The following LRRC74A variants were observed in gnomAD, a reference collection of about 807,000 sequenced individuals.
The protein encoded by LRRC74A is leucine rich repeat containing 74A, also known as leucine-rich repeat-containing protein 74A.
A neutral mutation model predicts 57.9 loss-of-function variants in LRRC74A; 44 were observed. The ratio of observed to expected loss-of-function variants is 0.76; its 90% CI spans 0.60 to 0.98. The LOEUF (loss-of-function observed/expected upper bound fraction) is 0.98. LRRC74A is among the 50% of genes least tolerant of loss of function. The pLI is 0.00. For synonymous variants in LRRC74A, 211 were observed against 219.4 expected, an observed-to-expected ratio of 0.96 and a Z score of 0.34; for missense variants, 572 against 574.0, an observed-to-expected ratio of 1.00 and a Z score of 0.04.
intron 2 of LRRC74A, chr14:76,828,959 C>T (rs1296222685): frequency 4.0e-6 from 5 of 1,258,468 alleles, no homozygotes; most frequent in Non-Finnish European, 4.1e-6. Context: ...GACTTTCCCA[C>T]ACTCACCTTA....
At position 76,837,927 on chromosome 14, in the gene LRRC74A, T is replaced by G. The variant is rs1374797183; in HGVS notation, c.500T>G (p.Phe167Cys). Reference protein sequence around the residue: ...GLEGARIISDFFERNSSSIWS... With the variant: ...GLEGARIISDCFERNSSSIWS... Reference sequence around the variant, plus strand: ...GAGGGGGCCAGAATCATCTCAGATTTCTTTGAGAGAAACAGTTCTTCTATC... The same window carrying G: ...GAGGGGGCCAGAATCATCTCAGATTGCTTTGAGAGAAACAGTTCTTCTATC... The change falls in exon 5 of 14, where the codon TTC becomes TGC. Residue 167 changes from phenylalanine to cysteine, a missense_variant. Coordinates refer to ENST00000689127, the MANE Select transcript of LRRC74A (RefSeq NM_001385106.1). The G allele has an allele frequency of 2.5e-6, 4 of 1,590,464 alleles. No homozygotes were observed. In the Admixed American group the frequency reaches 7.0e-5, roughly 28 times the overall value.
chr14:76,848,295 A>C (rs1350209251), intron 7 of LRRC74A, among the ~76,000 whole-genome samples: 1 of 141,974 alleles, frequency 7.0e-6, no homozygotes, highest in East Asian at 2.0e-4. Flanking sequence ...AATAAAATAA[A>C]ATATTACTTT....
At position 76,831,188 on chromosome 14, in the gene LRRC74A, C is replaced by T; in HGVS notation, c.167-15C>T. ...GTGGAAGAGAAATCCTACTTCAGCC[C>T]ATCTTTCTCTGCAGATGATGAGAAA... On this transcript the variant is annotated splice_polypyrimidine_tract_variant and intron_variant, in intron 2 of 13. Coordinates refer to ENST00000689127, the MANE Select transcript of LRRC74A (RefSeq NM_001385106.1). 6.2e-7 allele frequency: 1 copy of T among 1,613,494 alleles called. No homozygotes were observed. The highest frequency in any genetic ancestry group is 1.1e-5 in the South Asian group (1 of 91,040).
rs1361869715 is a variant in LRRC74A, at chr14:76,860,796, A to G, written c.1157A>G (p.Lys386Arg). 4.3e-6 allele frequency: 7 copies of G among 1,611,004 alleles called. No homozygotes were observed. Among genetic ancestry groups the G allele is most frequent in the Non-Finnish European group, 5.9e-6 (7 of 1,178,184 alleles). ...AAGGCAGTACAAGGCCTCTCTCCCA[A>G]GAAAACCATCTTCTTGTTGACAAAC... ...VFKAVQGLSP[K>R]KTIFLLTNPM... is the part of the protein sequence containing the mutation. The change falls in exon 11 of 14, where the codon AAG becomes AGG. Residue 386 changes from lysine to arginine, a missense_variant. Transcript: ENST00000689127.
intron 2 of LRRC74A, among the ~76,000 whole-genome samples, chr14:76,830,403 A>G (rs1266441741): frequency 6.6e-6 from 1 of 152,264 alleles, no homozygotes; most frequent in Non-Finnish European, 1.5e-5. Flanking sequence ...CCCAGTGACC[A>G]TGGGCCAGGC....
chr14:76,826,811 C>A (rs1484429324), intron 1 of LRRC74A, 77 bp downstream of exon 1: 2 of 964,092 alleles, frequency 2.1e-6, no homozygotes, highest in Non-Finnish European at 3.0e-6. Context: ...TCACAGGACC[C>A]TGAAGCCCAC....
At chr14:76,828,778 C>T in intron 2 of LRRC74A, 2 of 438,960 alleles carry the variant, frequency 4.6e-6, no homozygotes, top group South Asian at 3.3e-5. Flanking sequence ...TGCCAGTTTT[C>T]AACAGAAGAG....
intron 11 of LRRC74A, among the ~76,000 whole-genome samples, chr14:76,864,195 G>T (rs2140311262): frequency 6.6e-6 from 1 of 152,254 alleles, no homozygotes. Flanking sequence ...CCGGTGGGGT[G>T]TCCAGCAGCT....
chr14:76,867,205 GT>G (rs1465026583), intron 12 of LRRC74A, 150 bp from the exon 13 acceptor site: 16 of 311,126 alleles, frequency 5.1e-5, no homozygotes, highest in South Asian at 6.8e-5. Flanking sequence ...GTGTTGGGGG[GT>G]GGGGTGTGTG....
At chr14:76,831,428 G>T (rs1895964962) in intron 3 of LRRC74A, 53 bp downstream of exon 3, 1 of 1,594,756 alleles carries the variant, frequency 6.3e-7, no homozygotes, top group South Asian at 1.1e-5. Context: ...AGGGTTGGCA[G>T]AGTGGTAGGC....
At chr14:76,850,182 T>C (rs1421769744) in intron 7 of LRRC74A, among the ~76,000 whole-genome samples, 1 of 152,132 alleles carries the variant, frequency 6.6e-6, no homozygotes, top group Non-Finnish European at 1.5e-5. Context: ...CACTCCAGCC[T>C]GGGCGACAGA....
intron 5 of LRRC74A, among the ~76,000 whole-genome samples, chr14:76,843,245 T>C (rs1242792005): frequency 7.1e-6 from 1 of 140,932 alleles, no homozygotes; most frequent in East Asian, 2.0e-4. Context: ...ATCACGCCAC[T>C]GCACTGCACT....
chr14:76,855,533 CT>C (rs1897818495), intron 9 of LRRC74A, among the ~76,000 whole-genome samples: 1 of 152,108 alleles, frequency 6.6e-6, no homozygotes, highest in Admixed American at 6.6e-5. Flanking sequence ...AGACAAAACT[CT>C]TAGTTTGGCC....
intron 5 of LRRC74A, among the ~76,000 whole-genome samples, chr14:76,843,848 G>C (rs1166214160): frequency 6.6e-6 from 1 of 151,870 alleles, no homozygotes; most frequent in Non-Finnish European, 1.5e-5. Context: ...GGGACCACAG[G>C]TGTGCGCCAT....
intron 3 of LRRC74A, among the ~76,000 whole-genome samples, chr14:76,832,315 G>C (rs1444964910): frequency 6.6e-6 from 1 of 152,140 alleles, no homozygotes. Context: ...TTCTGGTCTA[G>C]AGTTGTTTGT....
intron 5 of LRRC74A, among the ~76,000 whole-genome samples, chr14:76,840,597 T>C (rs35675474): frequency 0.059 from 8,806 of 149,590 alleles, 265 homozygotes; most frequent in Non-Finnish European, 0.073. Context: ...TTTTTTTTTT[T>C]TTTTTGAGAC....
chr14:76,842,138 T>A (rs1303576087), intron 5 of LRRC74A, among the ~76,000 whole-genome samples: 1 of 152,220 alleles, frequency 6.6e-6, no homozygotes, highest in Non-Finnish European at 1.5e-5. Flanking sequence ...TTTTTTTCTA[T>A]CACATTTTCT....
chr14:76,859,925 A>G (rs1296018509), intron 10 of LRRC74A, among the ~76,000 whole-genome samples: 2 of 151,864 alleles, frequency 1.3e-5, no homozygotes, highest in Non-Finnish European at 2.9e-5. Flanking sequence ...TGATACACCC[A>G]CCTTGGCCTC....
intron 12 of LRRC74A, among the ~76,000 whole-genome samples, chr14:76,867,117 T>G (rs1334646560): frequency 3.7e-3 from 2 of 536 alleles, no homozygotes; most frequent in South Asian, 0.12. Flanking sequence ...GTTGGGGGGA[T>G]GGGGTGTGTG....
Sources: gnomAD v4.1 joint callset for allele counts (sites outside exome capture counted in the v4.1 genomes callset) on GRCh38, gnomAD v4.1.1 for gene constraint, MANE v1.5 for transcripts, NCBI Gene and HGNC (gene_info 2026-07-23, HGNC 2026-07-21) for gene names.